NEB: variants seen among roughly 807,000 people sequenced by gnomAD.
The protein encoded by NEB is nebulin.
Under a neutral mutation model 952.2 loss-of-function variants are expected in NEB, and 512 were observed. The ratio of observed to expected loss-of-function variants is 0.54; its 90% CI spans 0.50 to 0.58. The LOEUF (loss-of-function observed/expected upper bound fraction) is 0.58. Ranked by LOEUF, NEB falls within the 20% of genes least tolerant of loss-of-function variation. The probability of loss-of-function intolerance (pLI) is 0.00; values close to 1 mark genes in which losing one functional copy is unlikely to be tolerated. For synonymous variants in NEB, 2,900 were observed against 3,149.8 expected, an observed-to-expected ratio of 0.92 and a Z score of 2.66; for missense variants, 8,428 against 9,231.1, an observed-to-expected ratio of 0.91 and a Z score of 3.56.
chr2:151,631,601 G>A (rs1266455580), intron 65 of NEB, among the ~76,000 whole-genome samples: 2 of 152,148 alleles, frequency 1.3e-5, no homozygotes, highest in Non-Finnish European at 2.9e-5. Context: ...AGTTGGTTCA[G>A]TGAACATTAT....
At chr2:151,508,450 A>T (rs916171076) in intron 161 of NEB, among the ~76,000 whole-genome samples, 10 of 152,234 alleles carry the variant, frequency 6.6e-5, no homozygotes, top group Admixed American at 5.2e-4. Flanking sequence ...CAGTGGCAGT[A>T]GTCCTCGCTG....
chr2:151,724,202 T>C, intron 8 of NEB, 58 bp downstream of exon 8: 1 of 1,292,690 alleles, frequency 7.7e-7, no homozygotes, highest in South Asian at 1.3e-5. Flanking sequence ...AAGTATTACA[T>C]GAAATATATG....
chr2:151,677,783 G>A lies in NEB; in HGVS notation c.3568-12C>T. 1 of 1,613,716 alleles carries A rather than the reference G, an allele frequency of 6.2e-7. No homozygotes were observed. Among genetic ancestry groups the A allele is most frequent in the Non-Finnish European group, 8.5e-7 (1 of 1,179,688 alleles). On this transcript the variant is annotated splice_polypyrimidine_tract_variant and intron_variant, in intron 33 of 181. Transcript: ENST00000397345. Reference sequence around the variant, plus strand: ...TCCTTGTAGACGTTCTACAGCAATGGAGAAAAGAGGAGTGAGGGCCTAGGA... The same window carrying A: ...TCCTTGTAGACGTTCTACAGCAATGAAGAAAAGAGGAGTGAGGGCCTAGGA...
intron 46 of NEB, among the ~76,000 whole-genome samples, chr2:151,661,771 T>G (rs915001677): frequency 6.6e-6 from 1 of 152,166 alleles, no homozygotes; most frequent in Non-Finnish European, 1.5e-5. Flanking sequence ...GAAAGCAAGC[T>G]GGGGTTTGGG....
chr2:151,715,895 A>T (rs1251625022), intron 10 of NEB, among the ~76,000 whole-genome samples: 1 of 152,256 alleles, frequency 6.6e-6, no homozygotes, highest in Non-Finnish European at 1.5e-5. Flanking sequence ...GAATGATTAT[A>T]GACGAGTTTG....
chr2:151,641,304 C>T (rs534153627), intron 60 of NEB, among the ~76,000 whole-genome samples: 1 of 152,086 alleles, frequency 6.6e-6, no homozygotes, highest in South Asian at 2.1e-4. Context: ...ATTAAATAGT[C>T]TTTGCACACA....
In NEB at chr2:151,697,585, T is replaced by TG; in HGVS notation, c.1215dup (p.Lys406GlnfsTer13). The stretch of plus-strand genomic sequence containing the variant: ...TGCAGAACAGTATCGAGCTTGAATT[T>TG]GGGGGTCTCGCAGTAATTTATGCTC... On this transcript the variant is annotated frameshift_variant, in exon 14 of 182. Transcript: ENST00000397345. LOFTEE classifies it high-confidence loss of function. The TG allele has an allele frequency of 6.2e-7, 1 of 1,613,432 alleles. No homozygotes were observed. The highest frequency in any genetic ancestry group is 8.5e-7 in the Non-Finnish European group (1 of 1,179,780).
chr2:151,640,383 G>A lies in NEB; in HGVS notation c.8657C>T (p.Ala2886Val). Residue 2886 changes from alanine to valine, a missense_variant, in exon 61 of 182, where the codon GCT becomes GTT. Around this residue, in one of 11 missense-constraint regions of NEB, gnomAD observed 1,772 missense variants for 1,960.3 expected, o/e 0.90. Transcript: ENST00000397345. ...GCTCTGGAGGTCATAGGCCTGCCGA[G>A]CATGGATGACGTCGCTCTGGTCGGG... is the stretch of plus-strand genomic sequence containing the variant. ...CLPDQSDVIHARQAYDLQSDN... is the reference protein window; with the variant it reads ...CLPDQSDVIHVRQAYDLQSDN... 1 of 1,613,960 alleles carries A rather than the reference G, an allele frequency of 6.2e-7. No individual in the cohort carries two copies. The highest frequency in any genetic ancestry group is 8.5e-7 in the Non-Finnish European group (1 of 1,179,866).
chr2:151,520,324 T>TG (rs1489784169), intron 153 of NEB, among the ~76,000 whole-genome samples: 1 of 152,128 alleles, frequency 6.6e-6, no homozygotes, highest in Non-Finnish European at 1.5e-5. Flanking sequence ...TATGAGAGTT[T>TG]GGGGGTTAAT....
chr2:151,677,820 T>A, intron 33 of NEB, 49 bp from the exon 34 acceptor site: 2 of 1,610,950 alleles, frequency 1.2e-6, no homozygotes, highest in Non-Finnish European at 1.7e-6. Flanking sequence ...AGGGTTCTTT[T>A]CATGGCAGGC....
At chr2:151,648,838 A>C (rs2098995882) in intron 54 of NEB, among the ~76,000 whole-genome samples, 1 of 152,224 alleles carries the variant, frequency 6.6e-6, no homozygotes, top group Non-Finnish European at 1.5e-5. Context: ...TGCAGAGAAA[A>C]TGCTATTATT....
chr2:151,547,581 A>G, intron 132 of NEB, 48 bp from the exon 133 acceptor site: 1 of 1,600,556 alleles, frequency 6.2e-7, no homozygotes, highest in Non-Finnish European at 8.6e-7. Context: ...AGACCGAATG[A>G]TTAACATTCA....
intron 92 of NEB, among the ~76,000 whole-genome samples, chr2:151,595,356 A>T (rs1340014991): frequency 6.6e-6 from 1 of 152,152 alleles, no homozygotes; most frequent in African/African-American, 2.4e-5. Flanking sequence ...GGTTCAAGTG[A>T]TTCTCCTGCC....
At chr2:151,495,376 A>T (rs1215231710) in intron 173 of NEB, 4 of 152,182 alleles carry the variant, frequency 2.6e-5, no homozygotes, top group Admixed American at 2.6e-4. Context: ...CCCCCTCTAT[A>T]ACAGACCTAC....
rs754354488 is a variant in NEB, at chr2:151,535,693, C to T, written c.21310G>A (p.Glu7104Lys). 5.7e-6 allele frequency: 9 copies of T among 1,591,320 alleles called. No homozygotes were observed. In the South Asian group the frequency reaches 9.0e-5, roughly 16 times the overall value. ...TGGAGCAGTTTATTCATACATACCT[C>T]ATTCATCAATTGAGTTGCATACTTG... is the stretch of plus-strand genomic sequence containing the variant. ...HFKYATQLMN[E>K]RKYKSSAKMF... The change falls in exon 142 of 182, where the codon GAG becomes AAG. Residue 7104 changes from glutamate (E) to lysine (K), a missense_variant and splice_region_variant. By Grantham distance (56) the Glu-to-Lys change is moderately conservative (BLOSUM62 1). Around this residue, in one of 11 missense-constraint regions of NEB, gnomAD observed 3,374 missense variants for 3,651.5 expected, o/e 0.92. Coordinates refer to ENST00000397345, the MANE Select transcript of NEB (RefSeq NM_001164508.2).
Position 151,531,109 on chromosome 2 carries a change from A to G in NEB, c.21523-8T>C. 1 of 1,561,288 alleles carries G rather than the reference A, an allele frequency of 6.4e-7. No homozygotes were observed. Among genetic ancestry groups the G allele is most frequent in the South Asian group, 1.1e-5 (1 of 88,978 alleles). On this transcript the variant is annotated splice_region_variant and splice_polypyrimidine_tract_variant and intron_variant, in intron 144 of 181. Transcript: ENST00000397345. The stretch of plus-strand genomic sequence containing the variant: ...TTCCAATTTATAAAGGATCTGAAAG[A>G]TCAAAAAGCAGAAAGACATCATGTC...
intron 169 of NEB, among the ~76,000 whole-genome samples, chr2:151,498,567 A>C (rs1465900264): frequency 1.3e-5 from 2 of 152,182 alleles, no homozygotes; most frequent in African/African-American, 2.4e-5. Flanking sequence ...GAAATAGGAA[A>C]AGAAAGGTTG....
At position 151,614,263 on chromosome 2, in the gene NEB, T is replaced by A. The variant is rs768692183; in HGVS notation, c.11601+13A>T. On this transcript the variant is annotated intron_variant, in intron 77 of 181. Coordinates refer to ENST00000397345, the MANE Select transcript of NEB (RefSeq NM_001164508.2). ...TTTCTAAACCATTACTGAAGAATATTAGAGCCACTCACATCACTCTGCAGG... is the reference window on the plus strand; with the variant it reads ...TTTCTAAACCATTACTGAAGAATATAAGAGCCACTCACATCACTCTGCAGG... 4 of 1,610,218 alleles carry A rather than the reference T, an allele frequency of 2.5e-6. No individual in the cohort carries two copies. In the South Asian group the frequency reaches 4.4e-5, roughly 18 times the overall value.
chr2:151,526,400 A>G, intron 148 of NEB, 138 bp from the exon 149 acceptor site: 1 of 677,674 alleles, frequency 1.5e-6, no homozygotes. Flanking sequence ...AAATTTTGGG[A>G]AATATTCAAA....
Sources: gnomAD v4.1 joint callset for allele counts (sites outside exome capture counted in the v4.1 genomes callset) on GRCh38, gnomAD v4.1.1 for gene constraint, gnomAD v4.1.1 regional missense constraint, MANE v1.5 for transcripts, NCBI Gene and HGNC (gene_info 2026-07-23, HGNC 2026-07-21) for gene names.